AMBRA1: variants seen among roughly 807,000 people sequenced by gnomAD.
The protein encoded by AMBRA1 is activating molecule in BECN1-regulated autophagy protein 1.
In AMBRA1, 47 loss-of-function variants were observed where a neutral mutation model predicts 125.4. The observed-to-expected ratio is 0.37, with a 90% CI of 0.30 to 0.48. The LOEUF is 0.48. AMBRA1 is among the 20% of genes least tolerant of loss of function. The pLI is 0.99. For missense variants in AMBRA1, 1,331 were observed against 1,693.4 expected, an observed-to-expected ratio of 0.79 and a Z score of 3.76; for synonymous variants, 626 against 655.5, an observed-to-expected ratio of 0.95 and a Z score of 0.69.
chr11:46,504,577 T>C (rs1030559236), intron 9 of AMBRA1: 1 of 152,180 alleles, frequency 6.6e-6, no homozygotes, highest in African/African-American at 2.4e-5. Context: ...TTTGTGCAGT[T>C]TGATAAACAC....
At chr11:46,590,250 A>T (rs1218541300) in intron 1 of AMBRA1, among the ~76,000 whole-genome samples, 1 of 151,746 alleles carries the variant, frequency 6.6e-6, no homozygotes, top group Non-Finnish European at 1.5e-5. Context: ...GCGCACCTGT[A>T]GTCCACTTGA....
intron 7 of AMBRA1, among the ~76,000 whole-genome samples, chr11:46,528,369 C>T (rs1777161356): frequency 6.6e-6 from 1 of 152,190 alleles, no homozygotes; most frequent in African/African-American, 2.4e-5. Flanking sequence ...TGGAGTTTCA[C>T]CATGTTGGCC....
chr11:46,547,286 C>T lies in AMBRA1; in HGVS notation c.205G>A (p.Ala69Thr), dbSNP rs760623358. Residue 69 changes from alanine (A) to threonine (T), a missense_variant, in exon 4 of 18, where the codon GCC becomes ACC. Coordinates refer to ENST00000683756, the MANE Select transcript of AMBRA1 (RefSeq NM_001387011.1). ...LAFSPDRTLL[A>T]STHVNHNIYI... ...ATATTATGGTTCACATGGGTGGAGG[C>T]TAAGAGAGTCCTAGAAAATCAAAGA... 6.2e-7 allele frequency: 1 copy of T among 1,606,838 alleles called. No individual in the cohort carries two copies. The highest frequency in any genetic ancestry group is 8.5e-7 in the Non-Finnish European group (1 of 1,177,602).
intron 1 of AMBRA1, among the ~76,000 whole-genome samples, chr11:46,577,416 C>T (rs1194876902): frequency 1.3e-5 from 2 of 152,046 alleles, no homozygotes; most frequent in African/African-American, 4.8e-5. Context: ...ATAAATCAAT[C>T]CACAGAGACA....
At chr11:46,434,059 A>G (rs1441703096) in intron 13 of AMBRA1, among the ~76,000 whole-genome samples, 1 of 150,180 alleles carries the variant, frequency 6.7e-6, no homozygotes, top group Admixed American at 6.6e-5. Flanking sequence ...AGGTTGCGGT[A>G]AGCTGAGATC....
At chr11:46,533,153 ACT>A (rs1245784012) in intron 7 of AMBRA1, among the ~76,000 whole-genome samples, 1 of 151,742 alleles carries the variant, frequency 6.6e-6, no homozygotes, top group Non-Finnish European at 1.5e-5. Flanking sequence ...ACAAAGCGAG[ACT>A]CTGTCTCAAA....
intron 7 of AMBRA1, 30 bp from the exon 8 acceptor site, chr11:46,512,843 C>A (rs756352581): frequency 1.9e-6 from 3 of 1,588,454 alleles, no homozygotes. Context: ...TGGCAATAAT[C>A]CCTGTCAATT....
chr11:46,543,933 A>T (rs1363505590), intron 6 of AMBRA1, 42 bp downstream of exon 6: 1 of 1,494,210 alleles, frequency 6.7e-7, no homozygotes, highest in African/African-American at 1.4e-5. Context: ...TAAGAAAAGA[A>T]CTCACAGTTT....
At chr11:46,441,912 A>C (rs1478335627) in intron 12 of AMBRA1, among the ~76,000 whole-genome samples, 4 of 151,096 alleles carry the variant, frequency 2.6e-5, no homozygotes, top group South Asian at 2.1e-4. Flanking sequence ...AGACAGAACT[A>C]GGACCAATGG....
intron 12 of AMBRA1, among the ~76,000 whole-genome samples, chr11:46,439,527 T>C (rs1310989963): frequency 6.6e-6 from 1 of 152,172 alleles, no homozygotes; most frequent in Non-Finnish European, 1.5e-5. Context: ...TATTTGGGAC[T>C]AAATTTCCTA....
chr11:46,568,979 G>A (rs1371431799), intron 1 of AMBRA1, among the ~76,000 whole-genome samples: 1 of 151,382 alleles, frequency 6.6e-6, no homozygotes, highest in Non-Finnish European at 1.5e-5. Context: ...GCTAATTTTT[G>A]TATTTTTAGT....
chr11:46,398,065 G>A (rs1019657738), intron 17 of AMBRA1, 122 bp from the exon 18 acceptor site: 9 of 1,298,930 alleles, frequency 6.9e-6, no homozygotes, highest in East Asian at 2.5e-5. Flanking sequence ...AGAAAGACTC[G>A]CTCCATCACT....
At chr11:46,423,424 C>T (rs890720608) in intron 14 of AMBRA1, among the ~76,000 whole-genome samples, 132 of 151,956 alleles carry the variant, frequency 8.7e-4, no homozygotes, top group African/African-American at 3.0e-3. Context: ...TGGAGTCTCG[C>T]TCTGTCACCC....
At chr11:46,517,830 CAA>C (rs202001744) in intron 7 of AMBRA1, among the ~76,000 whole-genome samples, 53 of 77,890 alleles carry the variant, frequency 6.8e-4, no homozygotes, top group African/African-American at 1.2e-3. Flanking sequence ...GACTCTGTCT[CAA>C]AAAAAAAAAA....
chr11:46,434,739 T>C (rs983149383), intron 13 of AMBRA1, 110 bp downstream of exon 13: 4 of 1,138,452 alleles, frequency 3.5e-6, no homozygotes, highest in Non-Finnish European at 4.9e-6. Flanking sequence ...CCAGTGAAGG[T>C]AGGGGCAGTA....
At chr11:46,567,847 T>C (rs2043590293) in intron 1 of AMBRA1, among the ~76,000 whole-genome samples, 1 of 152,020 alleles carries the variant, frequency 6.6e-6, no homozygotes, top group South Asian at 2.1e-4. Context: ...TGCCAAACTA[T>C]ACTTGAAAAA....
intron 1 of AMBRA1, among the ~76,000 whole-genome samples, chr11:46,567,123 G>A (rs1010752268): frequency 8.5e-5 from 13 of 152,192 alleles, no homozygotes; most frequent in Admixed American, 2.6e-4. Flanking sequence ...CCAGACTGGA[G>A]TGCAGTGGTC....
intron 15 of AMBRA1, among the ~76,000 whole-genome samples, chr11:46,412,613 GT>G (rs1052060831): frequency 2.5e-4 from 38 of 151,274 alleles, no homozygotes; most frequent in Non-Finnish European, 4.7e-4. Flanking sequence ...AATTTTCACT[GT>G]TTTTTTTTCC....
chr11:46,400,778 C>A (rs1011564308), intron 17 of AMBRA1, among the ~76,000 whole-genome samples: 1 of 152,000 alleles, frequency 6.6e-6, no homozygotes, highest in Non-Finnish European at 1.5e-5. Context: ...TGAGTCACTG[C>A]GCCCAGCCCC....
Sources: allele counts gnomAD v4.1 joint callset (sites outside exome capture counted in the v4.1 genomes callset), GRCh38; gene constraint gnomAD v4.1.1; transcripts MANE v1.5; gene names NCBI Gene and HGNC (gene_info 2026-07-23, HGNC 2026-07-21).